The following ARSB variants were observed in gnomAD, a reference collection of about 807,000 sequenced individuals.
ARSB encodes N-acetylgalactosamine-4-sulfatase.
A neutral mutation model predicts 50.9 loss-of-function variants in ARSB; 41 were observed. That is an observed-to-expected ratio of 0.81 (90% CI 0.63 to 1.04). The LOEUF (loss-of-function observed/expected upper bound fraction) is 1.04. Ranked by LOEUF, ARSB falls within the 50% of genes least tolerant of loss-of-function variation. The pLI is 0.00. For missense variants in ARSB, 672 were observed against 693.3 expected, an observed-to-expected ratio of 0.97 and a Z score of 0.35; for synonymous variants, 269 against 284.8, an observed-to-expected ratio of 0.94 and a Z score of 0.56.
chr5:78,977,167 C>T (rs638060), intron 1 of ARSB, among the ~76,000 whole-genome samples: 39,125 of 145,226 alleles, frequency 0.27, 5,858 homozygotes, highest in Non-Finnish European at 0.33. Flanking sequence ...CCACTTCCCC[C>T]CCGCGAGATG....
intron 6 of ARSB, among the ~76,000 whole-genome samples, chr5:78,838,583 C>A (rs1051909243): frequency 6.6e-6 from 1 of 152,108 alleles, no homozygotes. Context: ...CAGAAAGGAG[C>A]GGATGGGAGC....
intron 4 of ARSB, among the ~76,000 whole-genome samples, chr5:78,936,568 T>C (rs1750612239): frequency 6.6e-6 from 1 of 152,002 alleles, no homozygotes; most frequent in Non-Finnish European, 1.5e-5. Context: ...TCAAAATAAA[T>C]GAACCTCTGC....
At chr5:78,942,490 T>C (rs1294162790) in intron 4 of ARSB, among the ~76,000 whole-genome samples, 1 of 152,258 alleles carries the variant, frequency 6.6e-6, no homozygotes, top group Admixed American at 6.5e-5. Context: ...GTATCTTTTT[T>C]CTCATTGGTT....
intron 4 of ARSB, among the ~76,000 whole-genome samples, chr5:78,937,440 TA>T (rs1750681005): frequency 7.2e-6 from 1 of 137,994 alleles, no homozygotes; most frequent in African/African-American, 2.7e-5. Context: ...ATATATGATA[TA>T]TATATCTTAT....
At chr5:78,906,963 G>A (rs780554253) in intron 4 of ARSB, among the ~76,000 whole-genome samples, 1 of 152,184 alleles carries the variant, frequency 6.6e-6, no homozygotes, top group Non-Finnish European at 1.5e-5. Context: ...TTAAGCACCT[G>A]CTAGGTGCCC....
At chr5:78,925,405 T>C (rs939218318) in intron 4 of ARSB, among the ~76,000 whole-genome samples, 2 of 151,734 alleles carry the variant, frequency 1.3e-5, no homozygotes, top group Non-Finnish European at 2.9e-5. Flanking sequence ...GACAAAGCAG[T>C]GGGAATGTGA....
chr5:78,856,244 G>A (rs535584812), intron 5 of ARSB, among the ~76,000 whole-genome samples: 1 of 152,006 alleles, frequency 6.6e-6, no homozygotes, highest in Non-Finnish European at 1.5e-5. Context: ...ACTGCTCTCT[G>A]GCCTTGTTAT....
intron 6 of ARSB, among the ~76,000 whole-genome samples, chr5:78,789,473 G>T (rs1333154755): frequency 6.6e-6 from 1 of 152,178 alleles, no homozygotes. Flanking sequence ...CCAAGAACCA[G>T]TTTGGCTTCT....
At chr5:78,920,731 T>G (rs1323700102) in intron 4 of ARSB, among the ~76,000 whole-genome samples, 2 of 152,148 alleles carry the variant, frequency 1.3e-5, no homozygotes, top group African/African-American at 4.8e-5. Context: ...TCCTCTGTGC[T>G]TCAGCTCCTC....
chr5:78,825,212 T>C (rs1455844523), intron 6 of ARSB, among the ~76,000 whole-genome samples: 1 of 152,212 alleles, frequency 6.6e-6, no homozygotes, highest in Non-Finnish European at 1.5e-5. Flanking sequence ...CATCAACAAT[T>C]TGGAAAGCGA....
At chr5:78,954,953 A>G (rs1393033198) in intron 4 of ARSB, among the ~76,000 whole-genome samples, 1 of 152,134 alleles carries the variant, frequency 6.6e-6, no homozygotes, top group East Asian at 1.9e-4. Context: ...GTGACCATAG[A>G]GGATGTCTGG....
chr5:78,786,679 T>C (rs1749087988), intron 6 of ARSB, among the ~76,000 whole-genome samples: 1 of 152,190 alleles, frequency 6.6e-6, no homozygotes, highest in Non-Finnish European at 1.5e-5. Context: ...TGGAGTGCGA[T>C]CTTAGCTTTA....
At chr5:78,804,939 T>G (rs952653812) in intron 6 of ARSB, among the ~76,000 whole-genome samples, 1 of 152,224 alleles carries the variant, frequency 6.6e-6, no homozygotes, top group African/African-American at 2.4e-5. Context: ...CATAGCACTT[T>G]GCTCAGAAAG....
At chr5:78,785,605 A>G (rs1414296180) in intron 6 of ARSB, among the ~76,000 whole-genome samples, 2 of 152,228 alleles carry the variant, frequency 1.3e-5, no homozygotes, top group Non-Finnish European at 2.9e-5. Flanking sequence ...GTACCTGCAT[A>G]ATATATTTTT....
chr5:78,919,245 T>A (rs1580060099), intron 4 of ARSB, among the ~76,000 whole-genome samples: 1 of 152,200 alleles, frequency 6.6e-6, no homozygotes, highest in African/African-American at 2.4e-5. Context: ...GGGGACCACA[T>A]AGTCCTTATT....
chr5:78,938,071 C>A (rs1323792527), intron 4 of ARSB, among the ~76,000 whole-genome samples: 1 of 152,164 alleles, frequency 6.6e-6, no homozygotes, highest in South Asian at 2.1e-4. Context: ...GGTTCCCTGG[C>A]AGGAGGCCTG....
chr5:78,959,611 A>C (rs1751895211), intron 3 of ARSB, among the ~76,000 whole-genome samples: 1 of 152,178 alleles, frequency 6.6e-6, no homozygotes, highest in African/African-American at 2.4e-5. Flanking sequence ...AAACTATACC[A>C]GTCCATGTCG....
At chr5:78,878,360 G>A (rs1052737110) in intron 5 of ARSB, among the ~76,000 whole-genome samples, 3 of 152,060 alleles carry the variant, frequency 2.0e-5, no homozygotes, top group African/African-American at 4.8e-5. Flanking sequence ...AAATATACTC[G>A]AAAAAGACAA....
intron 4 of ARSB, among the ~76,000 whole-genome samples, chr5:78,889,276 A>C (rs916044178): frequency 2.0e-5 from 3 of 152,268 alleles, no homozygotes; most frequent in Non-Finnish European, 4.4e-5. Context: ...CTGAAGTTTG[A>C]CATAAATTAG....
Sources: allele counts gnomAD v4.1 joint callset (sites outside exome capture counted in the v4.1 genomes callset), GRCh38; gene constraint gnomAD v4.1.1; transcripts MANE v1.5; gene names NCBI Gene and HGNC (gene_info 2026-07-23, HGNC 2026-07-21).